SLC43A3: variants seen among roughly 807,000 people sequenced by gnomAD.
SLC43A3 encodes solute carrier family 43 member 3.
A neutral mutation model predicts 53.3 loss-of-function variants in SLC43A3; 33 were observed. The observed-to-expected ratio is 0.62, with a 90% CI of 0.47 to 0.83. SLC43A3 has a LOEUF of 0.83. Among genes scored for constraint, SLC43A3 ranks in the 40% least tolerant of loss-of-function variants. The pLI is 0.00. For missense variants in SLC43A3, 530 were observed against 610.0 expected (o/e 0.87, Z 1.38); for synonymous variants, 236 against 246.2 (o/e 0.96, Z 0.39).
rs150602508 is a variant in SLC43A3 at position 57,409,793 on chromosome 11, A to AC, written c.1247+141dup. The AC allele has an allele frequency of 9.9e-3, 6,953 of 704,646 alleles. 41 individuals are homozygous for AC. The highest frequency in any genetic ancestry group is 0.014 in the Non-Finnish European group (5,947 of 425,112). The allele number at this position is 704,646 out of a possible 1,614,324, so 43.6% of individuals were successfully genotyped here. On this transcript the variant is annotated intron_variant, in intron 12 of 13. Coordinates refer to ENST00000395124, the MANE Select transcript of SLC43A3 (RefSeq NM_199329.3). ...TATCCTTCCCACCACCTCTGGTCTC[A>AC]CCCCCTCCACACCTGCCCCCAAACC...
intron 13 of SLC43A3, chr11:57,408,333 G>A (rs576138278): frequency 5.1e-4 from 81 of 159,314 alleles, no homozygotes; most frequent in Non-Finnish European, 1.0e-3. Context: ...AGGCAGAGAC[G>A]GGTGGATCGC....
rs62640922 is a variant in SLC43A3 at position 57,410,120 on chromosome 11, A to G, written c.1062T>C (p.Gly354=). The G allele has an allele frequency of 0.038, 60,350 of 1,593,084 alleles. 1,274 individuals are homozygous for G. Among genetic ancestry groups the G allele is most frequent in the Non-Finnish European group, 0.044 (50,935 of 1,170,706 alleles). The change falls in exon 12 of 14, where the codon GGT becomes GGC. Residue 354 remains glycine (G), a splice_region_variant and synonymous_variant. Transcript: ENST00000395124. The part of the protein sequence containing the change: ...QKYQKEARKT[G]SSTLAVALCS... ...AGAGGGCCACCGCCAAAGTGGAGGA[A>G]CCTGGGCGAACAGAGAGGAAAAAGA...
chr11:57,410,925 C>T (rs1319213003), intron 11 of SLC43A3, among the ~76,000 whole-genome samples: 3 of 152,134 alleles, frequency 2.0e-5, no homozygotes, highest in South Asian at 4.1e-4. Context: ...TTGCCACCAC[C>T]GTGTAAGAAG....
At position 57,423,912 on chromosome 11, in the gene SLC43A3, T is replaced by C. The variant is rs1175455430; in HGVS notation, c.361+70A>G. On this transcript the variant is annotated intron_variant, in intron 5 of 13. Coordinates refer to ENST00000395124, the MANE Select transcript of SLC43A3 (RefSeq NM_199329.3). ...TCTGTATATCTTGCCTATAGCCCTCTGCTCACACCTGCCCCAGCCACCAGG... is the reference window on the plus strand; with the variant it reads ...TCTGTATATCTTGCCTATAGCCCTCCGCTCACACCTGCCCCAGCCACCAGG... The C allele has an allele frequency of 2.9e-6, 4 of 1,390,904 alleles. No homozygotes were observed. In the East Asian group the frequency reaches 9.1e-5, roughly 32 times the overall value. The allele number at this position is 1,390,904 out of a possible 1,614,324, so 86.2% of individuals were successfully genotyped here.
At chr11:57,416,770 A>T in intron 8 of SLC43A3, 100 bp from the exon 9 acceptor site, 1 of 907,606 alleles carries the variant, frequency 1.1e-6, no homozygotes. Context: ...ATTCCACCGC[A>T]CTTTGGAATC....
At chr11:57,423,476 TGG>T (rs1490884885) in intron 5 of SLC43A3, among the ~76,000 whole-genome samples, 1 of 152,222 alleles carries the variant, frequency 6.6e-6, no homozygotes, top group Non-Finnish European at 1.5e-5. Flanking sequence ...TCACCCAGGC[TGG>T]AGTGCAATGG....
chr11:57,418,707 T>C (rs1230683691), intron 7 of SLC43A3, among the ~76,000 whole-genome samples: 1 of 151,898 alleles, frequency 6.6e-6, no homozygotes, highest in Non-Finnish European at 1.5e-5. Context: ...CTGGCCAACA[T>C]GGTGAAACCC....
chr11:57,418,209 C>T (rs1942811947), intron 7 of SLC43A3, among the ~76,000 whole-genome samples: 1 of 152,032 alleles, frequency 6.6e-6, no homozygotes, highest in Admixed American at 6.6e-5. Flanking sequence ...GTGGCATACA[C>T]CTGTAGTGCC....
intron 11 of SLC43A3, among the ~76,000 whole-genome samples, chr11:57,412,515 T>C (rs2134987771): frequency 6.6e-6 from 1 of 152,256 alleles, no homozygotes; most frequent in East Asian, 1.9e-4. Flanking sequence ...AAGTAGAAGA[T>C]AGAAATAGAA....
chr11:57,414,817 C>T, intron 10 of SLC43A3, 86 bp from the exon 11 acceptor site: 1 of 1,516,904 alleles, frequency 6.6e-7, no homozygotes, highest in Non-Finnish European at 9.1e-7. Context: ...CCCTTGTCTG[C>T]ATGTCCCTCC....
Position 57,409,174 on chromosome 11 carries a change from C to G in SLC43A3, c.1371+1G>C, listed in dbSNP as rs183113015. 1 of 1,614,184 alleles carries G rather than the reference C, an allele frequency of 6.2e-7. No homozygotes were observed. The highest frequency in any genetic ancestry group is 1.1e-5 in the South Asian group (1 of 91,092). On this transcript the variant is annotated splice_donor_variant, in intron 13 of 13. Coordinates refer to ENST00000395124, the MANE Select transcript of SLC43A3 (RefSeq NM_199329.3). LOFTEE classifies it high-confidence loss of function. The stretch of plus-strand genomic sequence containing the variant: ...GGGATCCCCATCCTCCCAGTACTCA[C>G]GTAAAATGGGTCATTCTGAAGGGAG...
chr11:57,421,436 C>T lies in SLC43A3; in HGVS notation c.362-63G>A, dbSNP rs187173197. The T allele has an allele frequency of 5.2e-3, 6,503 of 1,243,522 alleles. 49 individuals are homozygous for T. Among genetic ancestry groups the T allele is most frequent in the South Asian group, 0.012 (933 of 79,312 alleles). 77.0% of individuals were successfully genotyped at this position (1,243,522 alleles called of 1,614,324 possible). On this transcript the variant is annotated intron_variant, in intron 5 of 13. Transcript: ENST00000395124. ...TGCAACCCAAACATGGAGCCCCAAA[C>T]TCTGCTCCCACCTGCTCCAAATTCC...
chr11:57,413,813 A>C (rs751788028), intron 11 of SLC43A3, among the ~76,000 whole-genome samples: 2 of 151,900 alleles, frequency 1.3e-5, no homozygotes, highest in African/African-American at 2.4e-5. Flanking sequence ...CAGATTCCTC[A>C]ATGTTTCACT....
chr11:57,411,309 A>G (rs1485526507), intron 11 of SLC43A3, among the ~76,000 whole-genome samples: 3 of 152,026 alleles, frequency 2.0e-5, no homozygotes, highest in Admixed American at 6.5e-5. Context: ...AATGAAATCA[A>G]TGAACATAAC....
chr11:57,416,641 T>C lies in SLC43A3; in HGVS notation c.701A>G (p.Glu234Gly), dbSNP rs766515176. 1.0e-4 allele frequency: 161 copies of C among 1,613,988 alleles called. No individual in the cohort carries two copies. The Admixed American group carries it at 2.7e-3, about 27-fold the overall frequency. ...TTCATGCTCAGCTGTTTCCTTCTCTTCCTTTGTGGTGCCATTCCCAGGGCA... is the reference window on the plus strand; with the variant it reads ...TTCATGCTCAGCTGTTTCCTTCTCTCCCTTTGTGGTGCCATTCCCAGGGCA... ...GLCPGNGTTK[E>G]EKETAEHENR... Residue 234 changes from glutamate to glycine, a missense_variant, in exon 9 of 14, where the codon GAA (glutamate) becomes GGA (glycine). Glu to Gly is a moderately conservative substitution (Grantham distance 98). Coordinates refer to ENST00000395124, the MANE Select transcript of SLC43A3 (RefSeq NM_199329.3).
chr11:57,425,954 C>T, intron 3 of SLC43A3, 35 bp downstream of exon 3: 1 of 1,600,184 alleles, frequency 6.2e-7, no homozygotes, highest in Non-Finnish European at 8.5e-7. Flanking sequence ...GGGAGCCAGA[C>T]TTAACTTCCT....
Position 57,421,025 on chromosome 11 carries a change from T to A in SLC43A3, c.478A>T (p.Thr160Ser). ...GAGTCAAATGCTCCATTGTACAGAG[T>A]GATGATGGTCGAACGGTGTTGGCCA... ...LFGQHRSTII[T>S]LYNGAFDSSS... Residue 160 changes from threonine to serine, a missense_variant, in exon 7 of 14, where the codon ACT becomes TCT. This residue lies in a region of SLC43A3 where 376 missense variants were observed against 386.7 expected (regional missense o/e 0.97). Transcript: ENST00000395124. The A allele has an allele frequency of 6.2e-7, 1 of 1,613,830 alleles. No individual in the cohort carries two copies. Among genetic ancestry groups the A allele is most frequent in the Non-Finnish European group, 8.5e-7 (1 of 1,179,820 alleles).
chr11:57,413,075 A>T (rs936854913), intron 11 of SLC43A3, among the ~76,000 whole-genome samples: 5 of 152,086 alleles, frequency 3.3e-5, no homozygotes, highest in Non-Finnish European at 5.9e-5. Flanking sequence ...AAAAAAAAAA[A>T]AAAAATTAAA....
chr11:57,413,390 T>C (rs765113613), intron 11 of SLC43A3, among the ~76,000 whole-genome samples: 16 of 152,240 alleles, frequency 1.1e-4, no homozygotes, highest in Middle Eastern at 3.2e-3. Context: ...GTAGATGATA[T>C]GAAGAAATTA....
Sources: gnomAD v4.1 joint callset for allele counts (sites outside exome capture counted in the v4.1 genomes callset) on GRCh38, gnomAD v4.1.1 for gene constraint, gnomAD v4.1.1 regional missense constraint, MANE v1.5 for transcripts, NCBI Gene and HGNC (gene_info 2026-07-23, HGNC 2026-07-21) for gene names.